Variants in RHBDD1 observed in about 807,000 individuals in gnomAD.
RHBDD1 encodes the protein rhomboid-related protein 4.
RHBDD1 carries 38 observed loss-of-function variants against 36.3 expected under a neutral mutation model. The ratio of observed to expected loss-of-function variants is 1.05; its 90% confidence interval spans 0.81 to 1.37. The LOEUF is 1.37. Ranked by LOEUF, RHBDD1 falls within the 40% of genes most tolerant of loss-of-function variation. RHBDD1 has a pLI of 0.00. For synonymous variants in RHBDD1, 151 were observed against 136.5 expected (o/e 1.11, Z -0.74); for missense variants, 393 against 377.6 (o/e 1.04, Z -0.34).
intron 8 of RHBDD1, among the ~76,000 whole-genome samples, chr2:226,966,694 T>C (rs1300842899): frequency 6.6e-6 from 1 of 152,186 alleles, no homozygotes; most frequent in Admixed American, 6.5e-5. Flanking sequence ...AGAGCATTGG[T>C]TCTAAAAGTG....
intron 8 of RHBDD1, among the ~76,000 whole-genome samples, chr2:226,978,377 G>C (rs1052357090): frequency 2.0e-5 from 3 of 152,150 alleles, no homozygotes; most frequent in African/African-American, 4.8e-5. Flanking sequence ...GGATGGTAAA[G>C]GGAAACATGT....
intron 8 of RHBDD1, among the ~76,000 whole-genome samples, chr2:226,951,250 CT>C: frequency 6.6e-6 from 1 of 152,234 alleles, no homozygotes; most frequent in Admixed American, 6.5e-5. Flanking sequence ...CAAATACAGT[CT>C]CTTTCTGTAG....
At chr2:226,945,380 A>G (rs576611574) in intron 8 of RHBDD1, among the ~76,000 whole-genome samples, 7 of 151,476 alleles carry the variant, frequency 4.6e-5, no homozygotes, top group Non-Finnish European at 8.8e-5. Context: ...TCATTGCTCA[A>G]CTCCCACTTA....
chr2:226,859,374 T>C (rs1943635123), intron 3 of RHBDD1, among the ~76,000 whole-genome samples: 1 of 152,186 alleles, frequency 6.6e-6, no homozygotes, highest in Non-Finnish European at 1.5e-5. Context: ...GTATTAGATA[T>C]TATAAGTTAC....
intron 8 of RHBDD1, among the ~76,000 whole-genome samples, chr2:226,915,756 G>T (rs1202916565): frequency 1.3e-5 from 2 of 152,206 alleles, no homozygotes; most frequent in Non-Finnish European, 2.9e-5. Context: ...TATGAAGGTG[G>T]AGAAGAAGGC....
rs868114513 is a variant in RHBDD1 at position 226,852,913 on chromosome 2, A to G, written c.-90-11691A>G. 2.2e-3 allele frequency among the ~76,000 whole-genome samples: 290 copies of G among 131,386 alleles called. 5 individuals are homozygous for G. Among genetic ancestry groups the G allele is most frequent in the African/African-American group, 4.7e-3 (131 of 27,670 alleles). 86.2% of individuals were successfully genotyped at this position (131,386 alleles called of 152,430 possible). A position where few individuals can be genotyped will look rare whatever the true frequency, so the allele number is the denominator to read the frequency against. ...TGCACCTGGCTAATTTATTATTATTATTATTATTATTATTATTATTATTAT... is the reference window on the plus strand; with the variant it reads ...TGCACCTGGCTAATTTATTATTATTGTTATTATTATTATTATTATTATTAT... On this transcript the variant is annotated intron_variant, in intron 3 of 8. Coordinates refer to ENST00000392062, the MANE Select transcript of RHBDD1 (RefSeq NM_001167608.3).
intron 5 of RHBDD1, among the ~76,000 whole-genome samples, chr2:226,892,156 T>A (rs538066978): frequency 1.3e-5 from 2 of 152,336 alleles, no homozygotes; most frequent in African/African-American, 4.8e-5. Flanking sequence ...TTTTAGAACT[T>A]TCTAGCTAGC....
rs1285719890 is a variant in RHBDD1, at chr2:226,999,114, A to C, written c.*3592A>C. 1 of 152,226 alleles carries C rather than the reference A, an allele frequency of 6.6e-6. No homozygotes were observed. Among genetic ancestry groups the C allele is most frequent in the Admixed American group, 6.5e-5 (1 of 15,276 alleles). The allele number at this position is 152,226 out of a possible 1,614,324, so 9.4% of individuals were successfully genotyped here. A position where few individuals can be genotyped will look rare whatever the true frequency, so the allele number is the denominator to read the frequency against. On this transcript the variant is annotated 3_prime_UTR_variant, in exon 9 of 9. Transcript: ENST00000392062. Reference sequence around the variant, plus strand: ...TTTAAATTGTAAGCTTCATGAGGGCAGGGACCATCTGTTTCTCTGTCTCTC... The same window carrying C: ...TTTAAATTGTAAGCTTCATGAGGGCCGGGACCATCTGTTTCTCTGTCTCTC...
intron 5 of RHBDD1, among the ~76,000 whole-genome samples, chr2:226,904,414 C>CGGG (rs1294372074): frequency 6.4e-5 from 3 of 46,590 alleles, no homozygotes; most frequent in African/African-American, 2.9e-4. Flanking sequence ...ATCCTGCAAG[C>CGGG]GGGGGGGGAG....
intron 8 of RHBDD1, among the ~76,000 whole-genome samples, chr2:226,931,632 C>G (rs1204490912): frequency 2.6e-5 from 4 of 152,004 alleles, no homozygotes; most frequent in Non-Finnish European, 5.9e-5. Context: ...ACTTGTACCC[C>G]TAAAGCTACT....
At chr2:226,886,125 G>A (rs1946180770) in intron 5 of RHBDD1, among the ~76,000 whole-genome samples, 1 of 152,130 alleles carries the variant, frequency 6.6e-6, no homozygotes, top group South Asian at 2.1e-4. Flanking sequence ...GCACATAAGC[G>A]GGGACTACCA....
At chr2:226,803,071 G>A in the RHBDD1 span, among the ~76,000 whole-genome samples, 2 of 152,288 alleles carry the variant, frequency 1.3e-5, no homozygotes, top group East Asian at 1.9e-4. Context: ...AACTGGAGGA[G>A]CTATTTAAAT....
At chr2:226,822,172 T>C in the RHBDD1 span, among the ~76,000 whole-genome samples, 8 of 152,230 alleles carry the variant, frequency 5.3e-5, no homozygotes, top group African/African-American at 1.4e-4. Context: ...ATTTTTACCA[T>C]AGCCTGTTAG....
intron 5 of RHBDD1, among the ~76,000 whole-genome samples, chr2:226,887,612 A>G (rs1186302530): frequency 6.6e-6 from 1 of 152,268 alleles, no homozygotes; most frequent in African/African-American, 2.4e-5. Flanking sequence ...GGACTTGCTA[A>G]TGAAAGACAG....
intron 3 of RHBDD1, among the ~76,000 whole-genome samples, chr2:226,844,996 G>T (rs1304649522): frequency 1.3e-5 from 2 of 152,044 alleles, no homozygotes; most frequent in East Asian, 3.9e-4. Context: ...GGTGGAGAAA[G>T]AATTTTGCCA....
intron 8 of RHBDD1, among the ~76,000 whole-genome samples, chr2:226,984,938 G>A (rs1477004651): frequency 1.3e-5 from 2 of 151,466 alleles, no homozygotes; most frequent in Non-Finnish European, 2.9e-5. Flanking sequence ...GGTGGGGGAG[G>A]GGGAGGAGGG....
the RHBDD1 span, among the ~76,000 whole-genome samples, chr2:226,824,087 G>GT: frequency 6.6e-6 from 1 of 151,744 alleles, no homozygotes; most frequent in African/African-American, 2.4e-5. Context: ...CTACATACAC[G>GT]TTTTTTCTCT....
chr2:226,962,092 G>A (rs774451148), intron 8 of RHBDD1, among the ~76,000 whole-genome samples: 10 of 152,150 alleles, frequency 6.6e-5, no homozygotes, highest in Non-Finnish European at 1.0e-4. Flanking sequence ...TTAGACATCC[G>A]AGCTACTCTT....
intron 3 of RHBDD1, among the ~76,000 whole-genome samples, chr2:226,858,249 G>A (rs1943521531): frequency 6.6e-6 from 1 of 152,184 alleles, no homozygotes; most frequent in Non-Finnish European, 1.5e-5. Flanking sequence ...AGGCATGAAA[G>A]TAGTGCTAAT....
Sources: gnomAD v4.1 joint callset for allele counts (sites outside exome capture counted in the v4.1 genomes callset) on GRCh38, gnomAD v4.1.1 for gene constraint, MANE v1.5 for transcripts, NCBI Gene and HGNC (gene_info 2026-07-23, HGNC 2026-07-21) for gene names.